CYRIA: variants seen among roughly 807,000 people sequenced by gnomAD.
CYRIA encodes the protein CYFIP-related Rac1 interactor A.
In CYRIA, 15 loss-of-function variants were observed where a neutral mutation model predicts 43.9. The ratio of observed to expected loss-of-function variants is 0.34; its 90% CI spans 0.23 to 0.53. CYRIA has a LOEUF of 0.53. Ranked by LOEUF, CYRIA falls within the 20% of genes least tolerant of loss-of-function variation. The pLI, the probability that CYRIA is intolerant of heterozygous loss-of-function variation, is 0.94. For synonymous variants in CYRIA, 117 were observed against 136.0 expected (o/e 0.86, Z 0.97); for missense variants, 236 against 394.2 (o/e 0.60, Z 3.40).
chr2:16,647,645 T>TA (rs1669855389), intron 1 of CYRIA, among the ~76,000 whole-genome samples: 1 of 152,220 alleles, frequency 6.6e-6, no homozygotes, highest in Admixed American at 6.5e-5. Flanking sequence ...TAGCCATACA[T>TA]ACTGACCTCT....
chr2:16,584,328 G>A (rs1478086487), intron 3 of CYRIA, among the ~76,000 whole-genome samples: 1 of 152,110 alleles, frequency 6.6e-6, no homozygotes, highest in Non-Finnish European at 1.5e-5. Context: ...GTTCCCTCAT[G>A]GGATCAGCAT....
chr2:16,590,668 G>C (rs188323452), intron 2 of CYRIA, among the ~76,000 whole-genome samples: 71 of 152,202 alleles, frequency 4.7e-4, no homozygotes, highest in Non-Finnish European at 7.2e-4. Context: ...TCAGTGGATT[G>C]GCTGATATCA....
At chr2:16,657,260 G>A (rs1245880806) in intron 1 of CYRIA, among the ~76,000 whole-genome samples, 1 of 152,212 alleles carries the variant, frequency 6.6e-6, no homozygotes, top group Non-Finnish European at 1.5e-5. Context: ...ACTTCCCCAT[G>A]CTCACTCTTT....
intron 1 of CYRIA, among the ~76,000 whole-genome samples, chr2:16,624,834 T>A (rs927247726): frequency 1.3e-5 from 2 of 152,256 alleles, no homozygotes; most frequent in Non-Finnish European, 2.9e-5. Context: ...ATATACTTTC[T>A]TATTAATTTG....
At chr2:16,563,067 A>G (rs546252355) in intron 5 of CYRIA, among the ~76,000 whole-genome samples, 1 of 152,044 alleles carries the variant, frequency 6.6e-6, no homozygotes, top group Non-Finnish European at 1.5e-5. Context: ...GTAAGAACAC[A>G]CTCTCTTTTG....
At chr2:16,658,073 A>G (rs1670163303) in intron 1 of CYRIA, among the ~76,000 whole-genome samples, 1 of 152,234 alleles carries the variant, frequency 6.6e-6, no homozygotes, top group African/African-American at 2.4e-5. Flanking sequence ...AAAAAATAAG[A>G]AAAAGACTTA....
chr2:16,585,272 T>C (rs1667690470), intron 3 of CYRIA, among the ~76,000 whole-genome samples: 1 of 152,154 alleles, frequency 6.6e-6, no homozygotes, highest in Admixed American at 6.6e-5. Flanking sequence ...ACAACTAAGA[T>C]GTCCCTCTCT....
intron 3 of CYRIA, among the ~76,000 whole-genome samples, chr2:16,572,493 A>G (rs1667168786): frequency 6.6e-6 from 1 of 152,128 alleles, no homozygotes; most frequent in Admixed American, 6.5e-5. Context: ...CCTCCTCTGA[A>G]CAGCTTAGCA....
intron 1 of CYRIA, among the ~76,000 whole-genome samples, chr2:16,649,547 G>C (rs1254546832): frequency 6.6e-6 from 1 of 151,786 alleles, no homozygotes; most frequent in Non-Finnish European, 1.5e-5. Flanking sequence ...ACAGAGGACA[G>C]TTAGTTGTGT....
Position 16,549,983 on chromosome 2 carries a change from A to C in CYRIA, c.*2953T>G, listed in dbSNP as rs552176641. The C allele has an allele frequency of 7.8e-6, 1 of 128,188 alleles. No individual in the cohort carries two copies. Among genetic ancestry groups the C allele is most frequent in the Admixed American group, 8.1e-5 (1 of 12,318 alleles). 7.9% of individuals were successfully genotyped at this position (128,188 alleles called of 1,614,324 possible). On this transcript the variant is annotated 3_prime_UTR_variant, in exon 12 of 12. Transcript: ENST00000381323. ...CCCTAATGTGAAGACATCCATTTCC[A>C]GTTGTTTTTTTTTTTTGTTATTGTT...
intron 1 of CYRIA, among the ~76,000 whole-genome samples, chr2:16,662,951 C>T (rs1166963370): frequency 1.3e-5 from 2 of 152,064 alleles, no homozygotes; most frequent in African/African-American, 4.8e-5. Context: ...CCCCTAGTTC[C>T]CAAAACTGTA....
At chr2:16,592,139 A>G (rs941062074) in intron 2 of CYRIA, among the ~76,000 whole-genome samples, 1 of 152,166 alleles carries the variant, frequency 6.6e-6, no homozygotes, top group Non-Finnish European at 1.5e-5. Context: ...GAGCACTGAC[A>G]TGACACTCAA....
In CYRIA at chr2:16,644,746, G is replaced by A. The variant is rs943632035; in HGVS notation, c.-166-20727C>T. 5.3e-5 allele frequency among the ~76,000 whole-genome samples: 8 copies of A among 152,132 alleles called. No homozygotes were observed. In the East Asian group the frequency reaches 7.7e-4, roughly 15 times the overall value. On this transcript the variant is annotated intron_variant, in intron 1 of 11. Transcript: ENST00000381323. ...TGGAAGATGATTCCAGCATCACTGC[G>A]CATGCCTTCCTTCTTCTACCTTTGC...
intron 1 of CYRIA, among the ~76,000 whole-genome samples, chr2:16,657,068 C>G (rs572811317): frequency 6.6e-6 from 1 of 152,334 alleles, no homozygotes; most frequent in South Asian, 2.1e-4. Context: ...CACTCTCCTC[C>G]TCTTTTGACG....
At chr2:16,609,624 C>T (rs937898241) in intron 2 of CYRIA, among the ~76,000 whole-genome samples, 3 of 152,154 alleles carry the variant, frequency 2.0e-5, no homozygotes, top group Non-Finnish European at 4.4e-5. Flanking sequence ...ACTCCCACTC[C>T]CCAGTAACTC....
intron 3 of CYRIA, among the ~76,000 whole-genome samples, chr2:16,569,692 T>C (rs1163873001): frequency 6.6e-6 from 1 of 152,326 alleles, no homozygotes; most frequent in East Asian, 1.9e-4. Context: ...AAAAGAACTG[T>C]GTGACCCACA....
intron 2 of CYRIA, among the ~76,000 whole-genome samples, chr2:16,613,104 AC>A (rs1668661744): frequency 6.6e-6 from 1 of 152,154 alleles, no homozygotes; most frequent in Non-Finnish European, 1.5e-5. Flanking sequence ...TTTGTAAATT[AC>A]CCAGTCTTGG....
intron 3 of CYRIA, among the ~76,000 whole-genome samples, chr2:16,577,364 G>A (rs1227458520): frequency 1.3e-5 from 2 of 152,032 alleles, no homozygotes; most frequent in East Asian, 3.9e-4. Flanking sequence ...ATATAAATAT[G>A]TAACACATTT....
intron 2 of CYRIA, among the ~76,000 whole-genome samples, chr2:16,616,431 C>T (rs566125563): frequency 3.0e-4 from 45 of 152,308 alleles, no homozygotes; most frequent in African/African-American, 9.6e-4. Context: ...CTGGCTCCCC[C>T]GGGCTCCTGC....
Sources: gnomAD v4.1 joint callset for allele counts (sites outside exome capture counted in the v4.1 genomes callset) on GRCh38, gnomAD v4.1.1 for gene constraint, MANE v1.5 for transcripts, NCBI Gene and HGNC (gene_info 2026-07-23, HGNC 2026-07-21) for gene names.